Variants in TMEM170A observed in about 807,000 individuals in gnomAD.
TMEM170A encodes transmembrane protein 170A.
TMEM170A carries 18 observed loss-of-function variants against 12.8 expected under a neutral mutation model. That is an observed-to-expected ratio of 1.41 (90% CI 0.97 to 2.09). The LOEUF (loss-of-function observed/expected upper bound fraction) is 2.09, where lower values mean the gene tolerates loss of function less well. Among genes scored for constraint, TMEM170A ranks in the 30% most tolerant of loss-of-function variants. TMEM170A has a pLI of 0.00. For missense variants in TMEM170A, 220 were observed against 179.9 expected, an observed-to-expected ratio of 1.22 and a Z score of -1.28; for synonymous variants, 107 against 76.2, an observed-to-expected ratio of 1.40 and a Z score of -2.11.
At position 75,447,364 on chromosome 16, in the gene TMEM170A, C is replaced by T. The variant is rs924175742; in HGVS notation, c.*194G>A. ...CCAAAAGACTTGTTTTGGTTGAGAACAATAGGAGTCCACATAAGTCTTCAA... is the reference window on the plus strand; with the variant it reads ...CCAAAAGACTTGTTTTGGTTGAGAATAATAGGAGTCCACATAAGTCTTCAA... On this transcript the variant is annotated 3_prime_UTR_variant, in exon 3 of 3. Coordinates refer to ENST00000561878, the MANE Select transcript of TMEM170A (RefSeq NM_145254.3). The T allele has an allele frequency of 1.5e-5, 7 of 475,898 alleles. No homozygotes were observed. Among genetic ancestry groups the T allele is most frequent in the South Asian group, 7.1e-5 (1 of 14,178 alleles). 29.5% of individuals were successfully genotyped at this position (475,898 alleles called of 1,614,324 possible).
rs920032743 is a variant in TMEM170A at position 75,444,222 on chromosome 16, A to C, written c.*3336T>G. On this transcript the variant is annotated 3_prime_UTR_variant, in exon 3 of 3. Transcript: ENST00000561878. Reference sequence around the variant, plus strand: ...GGTGGCTCATGCCTGTAATCCCAGCACTTTGGGAGGTGGAGGCGGGTCAGG... The same window carrying C: ...GGTGGCTCATGCCTGTAATCCCAGCCCTTTGGGAGGTGGAGGCGGGTCAGG... 11 of 152,350 alleles carry C rather than the reference A, an allele frequency of 7.2e-5. No individual in the cohort carries two copies. Among genetic ancestry groups the C allele is most frequent in the African/African-American group, 2.6e-4 (11 of 41,546 alleles). The allele number at this position is 152,350 out of a possible 1,614,324, so 9.4% of individuals were successfully genotyped here.
Position 75,445,436 on chromosome 16 carries a change from G to A in TMEM170A, c.*2122C>T, listed in dbSNP as rs1887695956. ...GTGATCCTCCCACTTTAGCCTCTTGGGTAGCTGAGGCCACGCCCAGCTAAT... is the reference window on the plus strand; with the variant it reads ...GTGATCCTCCCACTTTAGCCTCTTGAGTAGCTGAGGCCACGCCCAGCTAAT... On this transcript the variant is annotated 3_prime_UTR_variant, in exon 3 of 3. Coordinates refer to ENST00000561878, the MANE Select transcript of TMEM170A (RefSeq NM_145254.3). The A allele has an allele frequency of 1.3e-5, 2 of 152,166 alleles. No homozygotes were observed. The highest frequency in any genetic ancestry group is 6.6e-5 in the Admixed American group (1 of 15,266). 9.4% of individuals were successfully genotyped at this position (152,166 alleles called of 1,614,324 possible).
Position 75,443,263 on chromosome 16 carries a change from G to C in TMEM170A, c.*4295C>G, listed in dbSNP as rs1332915089. The C allele has an allele frequency of 6.6e-6, 1 of 152,044 alleles. No homozygotes were observed. The highest frequency in any genetic ancestry group is 1.5e-5 in the Non-Finnish European group (1 of 67,992). 9.4% of individuals were successfully genotyped at this position (152,044 alleles called of 1,614,324 possible). A position where few individuals can be genotyped will look rare whatever the true frequency, so the allele number is the denominator to read the frequency against. ...TCAGAATTGAAAGTAATTTTTTATT[G>C]ATAAACATTTACACTAGAATTAGAA... On this transcript the variant is annotated 3_prime_UTR_variant, in exon 3 of 3. Transcript: ENST00000561878.
intron 1 of TMEM170A, among the ~76,000 whole-genome samples, chr16:75,459,203 A>G (rs2079856456): frequency 6.6e-6 from 1 of 152,162 alleles, no homozygotes; most frequent in Admixed American, 6.5e-5. Flanking sequence ...CTAGACAGAC[A>G]TATCTTTAAG....
chr16:75,452,673 C>G (rs1211484174), intron 1 of TMEM170A: 2 of 152,130 alleles, frequency 1.3e-5, no homozygotes, highest in Non-Finnish European at 2.9e-5. Context: ...TGCCTCGGCT[C>G]AAACAATCCG....
chr16:75,448,485 G>A (rs1015810447), intron 2 of TMEM170A, among the ~76,000 whole-genome samples: 5 of 152,150 alleles, frequency 3.3e-5, no homozygotes, highest in African/African-American at 7.2e-5. Context: ...AGATCCGGCC[G>A]GGCACGGTGG....
chr16:75,443,257 TTTA>T lies in TMEM170A; in HGVS notation c.*4298_*4300del. Reference sequence around the variant, plus strand: ...TCCAACTCAGAATTGAAAGTAATTTTTTATTGATAAACATTTACACTAGAATTA... The same window carrying T: ...TCCAACTCAGAATTGAAAGTAATTTTTTGATAAACATTTACACTAGAATTA... On this transcript the variant is annotated 3_prime_UTR_variant, in exon 3 of 3. Coordinates refer to ENST00000561878, the MANE Select transcript of TMEM170A (RefSeq NM_145254.3). 6.6e-6 allele frequency: 1 copy of T among 152,342 alleles called. No homozygotes were observed. Among genetic ancestry groups the T allele is most frequent in the East Asian group, 1.9e-4 (1 of 5,194 alleles). The allele number at this position is 152,342 out of a possible 1,614,324, so 9.4% of individuals were successfully genotyped here.
chr16:75,458,836 TC>T (rs1267409839), intron 1 of TMEM170A: 1 of 152,134 alleles, frequency 6.6e-6, no homozygotes, highest in Non-Finnish European at 1.5e-5. Context: ...AAGACTAAGA[TC>T]CCTACCCTAA....
intron 1 of TMEM170A, among the ~76,000 whole-genome samples, chr16:75,452,395 G>A (rs1379209342): frequency 1.3e-5 from 2 of 152,196 alleles, no homozygotes; most frequent in Admixed American, 6.5e-5. Context: ...AGCCTCCGGA[G>A]TGGCTGGAAC....
intron 1 of TMEM170A, among the ~76,000 whole-genome samples, chr16:75,454,360 T>TG (rs1293297442): frequency 6.6e-6 from 1 of 152,168 alleles, no homozygotes; most frequent in Non-Finnish European, 1.5e-5. Flanking sequence ...AGCTCACACC[T>TG]GTAATCCCAC....
At chr16:75,459,629 G>C (rs1385893053) in intron 1 of TMEM170A, among the ~76,000 whole-genome samples, 1 of 152,096 alleles carries the variant, frequency 6.6e-6, no homozygotes, top group East Asian at 1.9e-4. Context: ...GGCCGAGGTA[G>C]GAGGATCACC....
At chr16:75,447,837 A>G (rs1567696588) in intron 2 of TMEM170A, 149 bp from the exon 3 acceptor site, 1 of 1,007,662 alleles carries the variant, frequency 9.9e-7, no homozygotes, top group African/African-American at 1.6e-5. Flanking sequence ...GGTTTTCCCT[A>G]TTCTTTCTGT....
chr16:75,456,363 G>T (rs1275625845), intron 1 of TMEM170A, among the ~76,000 whole-genome samples: 2 of 152,022 alleles, frequency 1.3e-5, no homozygotes. Context: ...TGAGGCGGGT[G>T]GATCATCTGA....
intron 1 of TMEM170A, among the ~76,000 whole-genome samples, chr16:75,460,314 T>C (rs1171507506): frequency 2.0e-5 from 3 of 151,978 alleles, no homozygotes; most frequent in Non-Finnish European, 4.4e-5. Context: ...AACCACTGGA[T>C]TGTACACTTT....
intron 2 of TMEM170A, among the ~76,000 whole-genome samples, chr16:75,450,863 T>C (rs924216337): frequency 6.6e-6 from 1 of 152,194 alleles, no homozygotes; most frequent in Admixed American, 6.6e-5. Flanking sequence ...GGTCTTGCTA[T>C]GTTGCTGAGG....
chr16:75,453,953 C>G (rs753797749), intron 1 of TMEM170A, among the ~76,000 whole-genome samples: 1 of 152,206 alleles, frequency 6.6e-6, no homozygotes, highest in Non-Finnish European at 1.5e-5. Context: ...CAAGGCAAGG[C>G]CTTAGAATCC....
chr16:75,455,282 G>T (rs1023985384), intron 1 of TMEM170A, among the ~76,000 whole-genome samples: 2 of 151,270 alleles, frequency 1.3e-5, no homozygotes, highest in South Asian at 2.1e-4. Flanking sequence ...GTGTGAACTC[G>T]GGAGGCGGAG....
chr16:75,446,912 T>C lies in TMEM170A; in HGVS notation c.*646A>G, dbSNP rs2079596238. The stretch of plus-strand genomic sequence containing the variant: ...CAAATTCACATCTCTTAAAATATCT[T>C]AATCAGAAGTCAAGACAGTTGTCCA... On this transcript the variant is annotated 3_prime_UTR_variant, in exon 3 of 3. Coordinates refer to ENST00000561878, the MANE Select transcript of TMEM170A (RefSeq NM_145254.3). 1.3e-5 allele frequency: 2 copies of C among 152,372 alleles called. No homozygotes were observed. Among genetic ancestry groups the C allele is most frequent in the South Asian group, 4.1e-4 (2 of 4,834 alleles). The allele number at this position is 152,372 out of a possible 1,614,324, so 9.4% of individuals were successfully genotyped here. A position where few individuals can be genotyped will look rare whatever the true frequency, so the allele number is the denominator to read the frequency against.
At chr16:75,455,015 GA>G (rs2079763083) in intron 1 of TMEM170A, among the ~76,000 whole-genome samples, 1 of 152,136 alleles carries the variant, frequency 6.6e-6, no homozygotes, top group African/African-American at 2.4e-5. Flanking sequence ...GCAGAATTTG[GA>G]AAACACATTC....
Sources: allele counts gnomAD v4.1 joint callset (sites outside exome capture counted in the v4.1 genomes callset), GRCh38; gene constraint gnomAD v4.1.1; transcripts MANE v1.5; gene names NCBI Gene and HGNC (gene_info 2026-07-23, HGNC 2026-07-21).